The following TACC1 variants were observed in gnomAD, a reference collection of about 807,000 sequenced individuals.
TACC1 encodes the protein transforming acidic coiled-coil containing protein 1, also known as transforming acidic coiled-coil-containing protein 1.
Under a neutral mutation model 84.4 loss-of-function variants are expected in TACC1, and 48 were observed. The ratio of observed to expected loss-of-function variants is 0.57; its 90% CI spans 0.45 to 0.72. The LOEUF (loss-of-function observed/expected upper bound fraction) is 0.72, where lower values mean the gene tolerates loss of function less well. Among genes scored for constraint, TACC1 ranks in the 30% least tolerant of loss-of-function variants. The pLI is 0.00. For missense variants in TACC1, 920 were observed against 973.0 expected, an observed-to-expected ratio of 0.95 and a Z score of 0.72; for synonymous variants, 372 against 376.3, an observed-to-expected ratio of 0.99 and a Z score of 0.13.
intron 3 of TACC1, among the ~76,000 whole-genome samples, chr8:38,771,994 A>T (rs139463860): frequency 3.9e-5 from 6 of 152,034 alleles, no homozygotes; most frequent in African/African-American, 1.2e-4. Context: ...AAGGCAAAAG[A>T]CTTAAACACT....
intron 2 of TACC1, among the ~76,000 whole-genome samples, chr8:38,814,393 T>C (rs142230070): frequency 1.6e-4 from 25 of 152,360 alleles, no homozygotes; most frequent in African/African-American, 5.8e-4. Flanking sequence ...GATGTGATCA[T>C]GTAAGATTAT....
intron 3 of TACC1, among the ~76,000 whole-genome samples, chr8:38,777,031 G>A (rs564296217): frequency 6.6e-5 from 10 of 152,200 alleles, no homozygotes; most frequent in Admixed American, 5.2e-4. Flanking sequence ...TGAGGCAGGC[G>A]GACCACCTGA....
chr8:38,789,648 G>A (rs138372793), intron 2 of TACC1, among the ~76,000 whole-genome samples: 7 of 152,250 alleles, frequency 4.6e-5, no homozygotes, highest in African/African-American at 1.7e-4. Context: ...GAGTTAGTGG[G>A]GGCATTCATG....
chr8:38,738,215 A>G (rs1806364100), intron 1 of TACC1, among the ~76,000 whole-genome samples: 1 of 151,898 alleles, frequency 6.6e-6, no homozygotes, highest in South Asian at 2.1e-4. Flanking sequence ...AGCCTGGGCA[A>G]TATAGTGAGA....
intron 2 of TACC1, among the ~76,000 whole-genome samples, chr8:38,789,686 G>A (rs1047537623): frequency 1.3e-5 from 2 of 152,188 alleles, no homozygotes; most frequent in African/African-American, 4.8e-5. Flanking sequence ...GAGACCTGAA[G>A]GCAGATTGAG....
chr8:38,743,219 C>A lies in TACC1; in HGVS notation c.-574+768C>A, dbSNP rs904261180. Among the ~76,000 whole-genome samples the A allele has an allele frequency of 2.0e-5, 3 of 152,122 alleles. No homozygotes were observed. The East Asian group carries it at 5.8e-4, about 29-fold the overall frequency. On this transcript the variant is annotated intron_variant, in intron 2 of 14. Transcript: ENST00000518415. Reference sequence around the variant, plus strand: ...GGTAGCAGGCCCCAAAAAACTCTTACCTCATCCATCATTTTTGCAAAGATG... The same window carrying A: ...GGTAGCAGGCCCCAAAAAACTCTTAACTCATCCATCATTTTTGCAAAGATG...
chr8:38,756,559 G>T (rs1343894626), intron 3 of TACC1, among the ~76,000 whole-genome samples: 2 of 152,086 alleles, frequency 1.3e-5, no homozygotes, highest in Non-Finnish European at 2.9e-5. Flanking sequence ...GTGTTTGTTT[G>T]TTTGTTTGTT....
intron 2 of TACC1, among the ~76,000 whole-genome samples, chr8:38,793,906 A>G (rs912812574): frequency 1.3e-5 from 2 of 152,214 alleles, no homozygotes; most frequent in Admixed American, 1.3e-4. Context: ...AAAAATGTCA[A>G]CCTACATCTA....
chr8:38,741,228 T>C (rs1200300671), intron 1 of TACC1, among the ~76,000 whole-genome samples: 2 of 151,646 alleles, frequency 1.3e-5, no homozygotes, highest in African/African-American at 2.4e-5. Context: ...TGATCTCTGC[T>C]CACTACAACC....
At chr8:38,788,929 T>A in intron 2 of TACC1, 110 bp downstream of exon 2, 2 of 869,928 alleles carry the variant, frequency 2.3e-6, no homozygotes, top group Non-Finnish European at 3.5e-6. Flanking sequence ...AGAGTTTGAC[T>A]AAGAAAGAGC....
At chr8:38,777,594 C>T (rs901435779) in intron 3 of TACC1, among the ~76,000 whole-genome samples, 1 of 152,190 alleles carries the variant, frequency 6.6e-6, no homozygotes, top group Admixed American at 6.5e-5. Context: ...CCAGCCTGGG[C>T]AACACAGCAA....
intron 1 of TACC1, chr8:38,728,830 C>G (rs1010588276): frequency 6.6e-6 from 1 of 152,238 alleles, no homozygotes; most frequent in Non-Finnish European, 1.5e-5. Context: ...TTCAGGCATT[C>G]CTTTTCCCTC....
chr8:38,743,252 A>C (rs538922208), intron 2 of TACC1, among the ~76,000 whole-genome samples: 1 of 152,160 alleles, frequency 6.6e-6, no homozygotes, highest in South Asian at 2.1e-4. Flanking sequence ...ATGAATTCAG[A>C]GTAAGACAGA....
At chr8:38,729,466 T>C (rs981864580) in intron 1 of TACC1, among the ~76,000 whole-genome samples, 2 of 152,232 alleles carry the variant, frequency 1.3e-5, no homozygotes, top group African/African-American at 4.8e-5. Context: ...GTGCTGACAC[T>C]GGACCTGCTC....
chr8:38,765,038 G>T (rs1011782548), intron 3 of TACC1, among the ~76,000 whole-genome samples: 1 of 151,800 alleles, frequency 6.6e-6, no homozygotes. Context: ...GATGGAGGTT[G>T]CAGTAAGCCG....
At position 38,846,834 on chromosome 8, in the gene TACC1, C is replaced by G. The variant is rs764358156; in HGVS notation, c.2349+15C>G. 1.4e-5 allele frequency: 22 copies of G among 1,613,550 alleles called. No individual in the cohort carries two copies. Among genetic ancestry groups the G allele is most frequent in the Non-Finnish European group, 1.8e-5 (21 of 1,179,766 alleles). ...TGCAGCAGAAGGTACAGAAAGGGAC[C>G]TGATCTGGGTGGCCACAGAGACGTT... On this transcript the variant is annotated intron_variant, in intron 12 of 12. Coordinates refer to ENST00000317827, the MANE Select transcript of TACC1 (RefSeq NM_006283.3).
intron 1 of TACC1, 118 bp from the exon 2 acceptor site, chr8:38,788,586 G>A (rs367950042): frequency 2.4e-5 from 18 of 765,384 alleles, no homozygotes; most frequent in South Asian, 1.6e-4. Context: ...GCTGAGGACC[G>A]GTTGGTTGTG....
chr8:38,833,764 T>C (rs1437113635), intron 6 of TACC1, among the ~76,000 whole-genome samples: 1 of 152,238 alleles, frequency 6.6e-6, no homozygotes, highest in East Asian at 1.9e-4. Flanking sequence ...GTATTTCCCA[T>C]ATTCTCACGA....
intron 7 of TACC1, among the ~76,000 whole-genome samples, chr8:38,837,726 A>G (rs1830497507): frequency 6.6e-6 from 1 of 152,222 alleles, no homozygotes; most frequent in Non-Finnish European, 1.5e-5. Flanking sequence ...TGTTCTTGAG[A>G]TCCTAATAAA....
Sources: allele counts gnomAD v4.1 joint callset (sites outside exome capture counted in the v4.1 genomes callset), GRCh38; gene constraint gnomAD v4.1.1; transcripts MANE v1.5; gene names NCBI Gene and HGNC (gene_info 2026-07-23, HGNC 2026-07-21).